The following GNAT2 variants were observed in gnomAD, a reference collection of about 807,000 sequenced individuals.
The protein encoded by GNAT2 is G protein subunit alpha transducin 2, also known as guanine nucleotide-binding protein G(t) subunit alpha-2.
GNAT2 carries 32 observed loss-of-function variants against 40.9 expected under a neutral mutation model. That is an observed-to-expected ratio of 0.78 (90% CI 0.59 to 1.05). The LOEUF (loss-of-function observed/expected upper bound fraction) is 1.05. GNAT2 is among the 50% of genes least tolerant of loss of function. The probability of loss-of-function intolerance (pLI) is 0.00; values close to 1 mark genes in which losing one functional copy is unlikely to be tolerated. For synonymous variants in GNAT2, 141 were observed against 157.2 expected, an observed-to-expected ratio of 0.90 and a Z score of 0.77; for missense variants, 355 against 431.5, an observed-to-expected ratio of 0.82 and a Z score of 1.57.
chr1:109,604,047 C>T lies in GNAT2; in HGVS notation c.778G>A (p.Ala260Thr), dbSNP rs768833008. The T allele has an allele frequency of 3.1e-6, 5 of 1,610,924 alleles. No homozygotes were observed. In the East Asian group the frequency reaches 8.9e-5, roughly 29 times the overall value. The change falls in exon 8 of 9, where the codon GCG becomes ACG. Residue 260 changes from alanine to threonine, a missense_variant. By Grantham distance (58) the Ala-to-Thr change is moderately conservative. Coordinates refer to ENST00000679935, the MANE Select transcript of GNAT2 (RefSeq NM_001377295.2). ...FNSICNHKFF[A>T]ATSIVLFLNK... is the part of the protein sequence containing the mutation. ...AGAAAGAGGACAATGGAAGTAGCCG[C>T]AAAGAATTTGTGGTTACATATGCTG...
Sources: gnomAD v4.1 joint callset for allele counts on GRCh38, gnomAD v4.1.1 for gene constraint, MANE v1.5 for transcripts, NCBI Gene and HGNC (gene_info 2026-07-23, HGNC 2026-07-21) for gene names.